HLTF: variants seen among roughly 807,000 people sequenced by gnomAD.
The protein encoded by HLTF is DNA-dependent ATPase/E3 ubiquitin-protein ligase HLTF.
HLTF carries 127 observed loss-of-function variants against 129.4 expected under a neutral mutation model. The observed-to-expected ratio is 0.98, with a 90% CI of 0.85 to 1.14. HLTF has a LOEUF of 1.14. Ranked by LOEUF, HLTF falls within the 50% of genes most tolerant of loss-of-function variation. The pLI, the probability that HLTF is intolerant of heterozygous loss-of-function variation, is 0.00. For synonymous variants in HLTF, 332 were observed against 388.8 expected, an observed-to-expected ratio of 0.85 and a Z score of 1.72; for missense variants, 1,139 against 1,187.1, an observed-to-expected ratio of 0.96 and a Z score of 0.60.
At chr3:149,086,195 C>G (rs1245168856) in intron 1 of HLTF, 122 bp downstream of exon 1, 1 of 1,070,610 alleles carries the variant, frequency 9.3e-7, no homozygotes, top group Non-Finnish European at 1.4e-6. Context: ...ATGCGACCAA[C>G]AGAACGAATA....
Position 149,041,603 on chromosome 3 carries a change from C to T in HLTF, c.2263G>A (p.Gly755Ser). 1 of 1,610,922 alleles carries T rather than the reference C, an allele frequency of 6.2e-7. No individual in the cohort carries two copies. The highest frequency in any genetic ancestry group is 1.1e-5 in the South Asian group (1 of 90,984). ...IRKMKLILSS[G>S]SDEECAICLD... ...CAAATTGCACATTCCTCATCTGAAC[C>T]TGAGCTCAGAATTAACTTCATCTTC... Residue 755 changes from glycine to serine, a missense_variant, in exon 20 of 25, where the codon GGT (glycine) becomes AGT (serine). By Grantham distance (56) the Gly-to-Ser change is moderately conservative. Transcript: ENST00000310053.
Position 149,039,635 on chromosome 3 carries a change from C to G in HLTF, c.2561G>C (p.Ser854Thr). The G allele has an allele frequency of 6.2e-7, 1 of 1,607,668 alleles. No homozygotes were observed. Among genetic ancestry groups the G allele is most frequent in the Non-Finnish European group, 8.5e-7 (1 of 1,177,036 alleles). ...TGTTGTAAACTGAGAAACAACCAAA[C>G]TTTTTATGTTGGGATTCTTCTTTCT... ...DLRKKNPNIK[S>T]LVVSQFTTFL... Residue 854 changes from serine (S) to threonine (T), a missense_variant, in exon 22 of 25, where the codon AGT (serine) becomes ACT (threonine). Physicochemically the swap from Ser to Thr is moderately conservative, Grantham distance 58. Coordinates refer to ENST00000310053, the MANE Select transcript of HLTF (RefSeq NM_003071.4).
intron 24 of HLTF, among the ~76,000 whole-genome samples, chr3:149,032,904 A>T (rs1715233099): frequency 6.7e-6 from 1 of 148,404 alleles, no homozygotes; most frequent in African/African-American, 2.5e-5. Flanking sequence ...CGGAGCTTGC[A>T]GTAAGCCGAC....
chr3:149,066,061 T>C (rs75019974), intron 8 of HLTF, among the ~76,000 whole-genome samples: 1 of 152,108 alleles, frequency 6.6e-6, no homozygotes, highest in African/African-American at 2.4e-5. Flanking sequence ...TTTTTTTTTT[T>C]CTGAGACAGA....
intron 15 of HLTF, 104 bp downstream of exon 15, chr3:149,050,128 G>A (rs1261766010): frequency 7.4e-5 from 44 of 598,422 alleles, no homozygotes; most frequent in Non-Finnish European, 1.1e-4. Flanking sequence ...TATCTAAAGA[G>A]AAAAAAAAAG....
chr3:149,076,127 T>C (rs887309723), intron 2 of HLTF, 80 bp from the exon 3 acceptor site: 1 of 583,584 alleles, frequency 1.7e-6, no homozygotes, highest in Non-Finnish European at 2.8e-6. Context: ...GGGATTTCCA[T>C]TCATTTTTTA....
At position 149,048,080 on chromosome 3, in the gene HLTF, A is replaced by G; in HGVS notation, c.1840T>C (p.Trp614Arg). Residue 614 changes from tryptophan (W) to arginine (R), a missense_variant, in exon 17 of 25, where the codon TGG becomes CGG. Coordinates refer to ENST00000310053, the MANE Select transcript of HLTF (RefSeq NM_003071.4). ...KLKPFIDREW[W>R]HRTIQRPVTM... ...ACAGGACGCTGTATTGTTCTATGCC[A>G]CCATTCTCTATCAATAAATGGTTTA... 1 of 1,613,182 alleles carries G rather than the reference A, an allele frequency of 6.2e-7. No homozygotes were observed. Among genetic ancestry groups the G allele is most frequent in the Non-Finnish European group, 8.5e-7 (1 of 1,179,464 alleles).
chr3:149,062,472 T>G (rs892172042), intron 10 of HLTF, among the ~76,000 whole-genome samples: 7 of 152,244 alleles, frequency 4.6e-5, no homozygotes, highest in African/African-American at 1.7e-4. Flanking sequence ...AAACCTTTGT[T>G]GATGAAATAG....
chr3:149,034,050 G>C (rs1188408591), intron 24 of HLTF, among the ~76,000 whole-genome samples: 1 of 152,062 alleles, frequency 6.6e-6, no homozygotes, highest in East Asian at 1.9e-4. Flanking sequence ...CTGGACAGAA[G>C]ATATAAATAA....
intron 24 of HLTF, among the ~76,000 whole-genome samples, chr3:149,032,928 A>G (rs1425804510): frequency 6.9e-6 from 1 of 145,304 alleles, no homozygotes; most frequent in Non-Finnish European, 1.5e-5. Flanking sequence ...GCGCCACTGC[A>G]CTCCAGCCTG....
In HLTF at chr3:149,032,882, G is replaced by C. The variant is rs1017285299; in HGVS notation, c.2878-510C>G. Among the ~76,000 whole-genome samples, 11 of 148,830 alleles carry C rather than the reference G, an allele frequency of 7.4e-5. No homozygotes were observed. The South Asian group carries it at 2.1e-3, about 29-fold the overall frequency. ...GGAGGCTGAGGCAGGAGAATGGTGT[G>C]AACCCGGGAGGCGGAGCTTGCAGTA... On this transcript the variant is annotated intron_variant, in intron 24 of 24. Coordinates refer to ENST00000310053, the MANE Select transcript of HLTF (RefSeq NM_003071.4).
In HLTF at chr3:149,059,782, ATCT is replaced by A; in HGVS notation, c.1308_1310del (p.Glu436del). ...AAGTTAATGCACATGCAAATGCCAC[ATCT>A]TCTATAACCTTAGAAGATCCTGCTG... On this transcript the variant is annotated inframe_deletion, in exon 13 of 25. Coordinates refer to ENST00000310053, the MANE Select transcript of HLTF (RefSeq NM_003071.4). 1 of 1,600,606 alleles carries A rather than the reference ATCT, an allele frequency of 6.2e-7. No homozygotes were observed. The highest frequency in any genetic ancestry group is 8.5e-7 in the Non-Finnish European group (1 of 1,175,202).
chr3:149,032,257 G>C lies in HLTF; in HGVS notation c.2993C>G (p.Ala998Gly). 6.3e-7 allele frequency: 1 copy of C among 1,593,180 alleles called. No homozygotes were observed. The highest frequency in any genetic ancestry group is 8.5e-7 in the Non-Finnish European group (1 of 1,171,958). Residue 998 changes from alanine to glycine, a missense_variant, in exon 25 of 25, where the codon GCC becomes GGC. By Grantham distance (60) the Ala-to-Gly change is moderately conservative. Coordinates refer to ENST00000310053, the MANE Select transcript of HLTF (RefSeq NM_003071.4). ...KKPNADEMKQ[A>G]KINEIRTLID... ...TAATGTTCTGATTTCATTAATTTTG[G>C]CTTGTTTCATTTCGTCAGCATTTGG...
chr3:149,071,153 G>T, intron 7 of HLTF, 99 bp downstream of exon 7: 1 of 700,870 alleles, frequency 1.4e-6, no homozygotes, highest in Non-Finnish European at 2.3e-6. Flanking sequence ...GTCCCAAACT[G>T]GTACCAACAT....
chr3:149,086,395 C>T lies in HLTF; in HGVS notation c.-59G>A. 3.9e-6 allele frequency: 6 copies of T among 1,537,240 alleles called. No individual in the cohort carries two copies. The highest frequency in any genetic ancestry group is 4.9e-5 in the East Asian group (2 of 41,180). On this transcript the variant is annotated 5_prime_UTR_variant, in exon 1 of 25. Transcript: ENST00000310053. ...GCTCCCCTGGATCGTTTTCGAGCCG[C>T]CTCGATACGCCTCCTTCCAGGCCCC... is the stretch of plus-strand genomic sequence containing the variant.
Position 149,050,306 on chromosome 3 carries a change from T to C in HLTF, c.1543A>G (p.Ile515Val), listed in dbSNP as rs892618174. ...TTTGAAAGTAAGGCCGGTTCTCTAATACGATCAGGACCATAATAAACATAA... is the reference window on the plus strand; with the variant it reads ...TTTGAAAGTAAGGCCGGTTCTCTAACACGATCAGGACCATAATAAACATAA... ...NFYVYYGPDR[I>V]REPALLSKQD... is the part of the protein sequence containing the mutation. The change falls in exon 15 of 25, where the codon ATT (isoleucine) becomes GTT (valine). Residue 515 changes from isoleucine to valine, a missense_variant. Physicochemically the swap from Ile to Val is conservative, Grantham distance 29. Transcript: ENST00000310053. The C allele has an allele frequency of 6.3e-7, 1 of 1,599,846 alleles. No individual in the cohort carries two copies. Among genetic ancestry groups the C allele is most frequent in the Non-Finnish European group, 8.6e-7 (1 of 1,167,888 alleles).
At chr3:149,057,525 G>A (rs1421216841) in intron 13 of HLTF, among the ~76,000 whole-genome samples, 1 of 152,234 alleles carries the variant, frequency 6.6e-6, no homozygotes, top group Non-Finnish European at 1.5e-5. Flanking sequence ...CTGCAGGGCA[G>A]ACTGTGGGAC....
intron 4 of HLTF, 117 bp downstream of exon 4, chr3:149,074,098 G>T: frequency 3.1e-6 from 3 of 966,522 alleles, no homozygotes; most frequent in Non-Finnish European, 1.5e-6. Context: ...CTGAAAAAAA[G>T]TTGTACCTTG....
intron 23 of HLTF, among the ~76,000 whole-genome samples, chr3:149,035,979 C>CA (rs1223331580): frequency 3.9e-4 from 59 of 150,310 alleles, no homozygotes; most frequent in African/African-American, 1.3e-3. Flanking sequence ...ACTAAAAATA[C>CA]AAAAAATTAG....
Sources: gnomAD v4.1 joint callset for allele counts (sites outside exome capture counted in the v4.1 genomes callset) on GRCh38, gnomAD v4.1.1 for gene constraint, MANE v1.5 for transcripts, NCBI Gene and HGNC (gene_info 2026-07-23, HGNC 2026-07-21) for gene names.